Variants in ABHD2 observed in about 807,000 individuals in gnomAD.
The protein encoded by ABHD2 is abhydrolase domain containing 2, acylglycerol lipase, also known as monoacylglycerol lipase ABHD2.
Under a neutral mutation model 48.1 loss-of-function variants are expected in ABHD2, and 20 were observed. The observed-to-expected ratio is 0.42, with a 90% CI of 0.29 to 0.60. The LOEUF (loss-of-function observed/expected upper bound fraction) is 0.60. Ranked by LOEUF, ABHD2 falls within the 20% of genes least tolerant of loss-of-function variation. The pLI is 0.24. For missense variants in ABHD2, 405 were observed against 550.9 expected (o/e 0.74, Z 2.65); for synonymous variants, 209 against 214.2 (o/e 0.98, Z 0.21).
rs141602135 is a variant in ABHD2, at chr15:89,187,481, C to T, written c.816-712C>T. On this transcript the variant is annotated intron_variant, in intron 7 of 10. Transcript: ENST00000352732. ...AGTTGGCATAATAAATCCTTCCTAC[C>T]GCAGGGCCATGCCTCAACAAATTCA... Among the ~76,000 whole-genome samples the T allele has an allele frequency of 2.6e-3, 393 of 152,250 alleles. 2 individuals are homozygous for T. Among genetic ancestry groups the T allele is most frequent in the African/African-American group, 8.8e-3 (365 of 41,556 alleles).
At chr15:89,048,233 C>T in the ABHD2 span, among the ~76,000 whole-genome samples, 1 of 151,988 alleles carries the variant, frequency 6.6e-6, no homozygotes, top group South Asian at 2.1e-4. Flanking sequence ...GGCCCCCACT[C>T]TCTTCTGGCT....
chr15:89,142,379 T>G (rs780060002), intron 3 of ABHD2, among the ~76,000 whole-genome samples: 1 of 152,216 alleles, frequency 6.6e-6, no homozygotes, highest in South Asian at 2.1e-4. Flanking sequence ...GATTAGTACC[T>G]CAAACATCCT....
In ABHD2 at chr15:89,185,386, C is replaced by G. The variant is rs773895717; in HGVS notation, c.723-38C>G. ...CCTCCTGGCTGCCCGCCTGCACCCC[C>G]ACACCGCAGTCACCCTCACTCGCTG... On this transcript the variant is annotated intron_variant, in intron 6 of 10. Coordinates refer to ENST00000352732, the MANE Select transcript of ABHD2 (RefSeq NM_152924.5). The surrounding 1 kb of genome is among the most constrained non-coding windows in gnomAD (Gnocchi z 5.9). 6 of 1,585,136 alleles carry G rather than the reference C, an allele frequency of 3.8e-6. No homozygotes were observed. Among genetic ancestry groups the G allele is most frequent in the Admixed American group, 1.7e-5 (1 of 59,584 alleles).
chr15:89,107,502 G>A (rs2049804927), intron 1 of ABHD2, among the ~76,000 whole-genome samples: 1 of 152,144 alleles, frequency 6.6e-6, no homozygotes, highest in African/African-American at 2.4e-5. Flanking sequence ...ATGGAGGAAA[G>A]TTTAATAGTG....
At chr15:89,059,739 C>T in the ABHD2 span, among the ~76,000 whole-genome samples, 1 of 152,124 alleles carries the variant, frequency 6.6e-6, no homozygotes, top group African/African-American at 2.4e-5. Flanking sequence ...GCTGCCATCG[C>T]AGAGGAATCT....
At chr15:89,047,959 T>C in the ABHD2 span, among the ~76,000 whole-genome samples, 1 of 149,528 alleles carries the variant, frequency 6.7e-6, no homozygotes, top group African/African-American at 2.5e-5. Context: ...GCTGGTTATT[T>C]TGCTCGATAG....
At chr15:89,075,475 C>T in the ABHD2 span, 5 of 152,236 alleles carry the variant, frequency 3.3e-5, no homozygotes, top group African/African-American at 1.2e-4. This position sits in a 1 kb window ranked among gnomAD's most constrained non-coding sequence, Gnocchi z 4.1. Context: ...TGGTGCATTC[C>T]AGAAGTGTTG....
intron 3 of ABHD2, among the ~76,000 whole-genome samples, chr15:89,138,727 G>T (rs866479710): frequency 8.5e-5 from 13 of 152,154 alleles, no homozygotes; most frequent in African/African-American, 3.1e-4. Context: ...TTTGACAGTT[G>T]ATCAGACAGG....
chr15:89,139,850 A>G (rs2050374634), intron 3 of ABHD2, among the ~76,000 whole-genome samples: 1 of 152,176 alleles, frequency 6.6e-6, no homozygotes, highest in African/African-American at 2.4e-5. Flanking sequence ...TCCCGAGCCT[A>G]TGTCTCCTAA....
In ABHD2 at chr15:89,123,312, C is replaced by T. The variant is rs564211557; in HGVS notation, c.194+6791C>T. 1.7e-3 allele frequency among the ~76,000 whole-genome samples: 258 copies of T among 152,302 alleles called. 4 individuals are homozygous for T. The highest frequency in any genetic ancestry group is 5.9e-3 in the African/African-American group (244 of 41,570). On this transcript the variant is annotated intron_variant, in intron 3 of 10. Transcript: ENST00000352732. ...GTTTTCCCTTTTTCTCTTCACTCAC[C>T]GGAGTACAAGCTCCAAACGGAAATC...
chr15:89,156,667 G>A (rs1410515008), intron 5 of ABHD2, among the ~76,000 whole-genome samples: 1 of 151,720 alleles, frequency 6.6e-6, no homozygotes, highest in Admixed American at 6.6e-5. Flanking sequence ...GAACCCGGGA[G>A]GCAGAGGTCA....
At chr15:89,145,678 C>T (rs182654155) in intron 3 of ABHD2, among the ~76,000 whole-genome samples, 36 of 152,342 alleles carry the variant, frequency 2.4e-4, no homozygotes, top group African/African-American at 7.2e-4. Flanking sequence ...TTCTCTCCCA[C>T]TGCATGCAGG....
rs2050970970 is a variant in ABHD2, at chr15:89,174,028, G to A, written c.539-1784G>A. ...GATACTGTCTGGGAAGAGGCATGAG[G>A]AGGCCTCCAGGGGTGTCAAAAATAT... On this transcript the variant is annotated intron_variant, in intron 5 of 10. Transcript: ENST00000352732. The surrounding 1 kb of genome is among the most constrained non-coding windows in gnomAD (Gnocchi z 4.1). Among the ~76,000 whole-genome samples the A allele has an allele frequency of 6.6e-6, 1 of 152,128 alleles. No homozygotes were observed. Among genetic ancestry groups the A allele is most frequent in the South Asian group, 2.1e-4 (1 of 4,820 alleles).
the ABHD2 span, among the ~76,000 whole-genome samples, chr15:89,068,342 G>A: frequency 6.6e-6 from 1 of 152,164 alleles, no homozygotes; most frequent in South Asian, 2.1e-4. Context: ...TTTGAGTCAG[G>A]AAATTAGACA....
rs116781331 is a variant in ABHD2 at position 89,102,876 on chromosome 15, G to T, written c.-106-10849G>T. ...CCCAAAGGAAGAAGGCTGCTGGTAG[G>T]CTAGGGGTGGCAGGTGGGATTGCCC... On this transcript the variant is annotated intron_variant, in intron 1 of 10. Transcript: ENST00000352732. This position sits in a 1 kb window ranked among gnomAD's most constrained non-coding sequence, Gnocchi z 4.8. Among the ~76,000 whole-genome samples the T allele has an allele frequency of 2.4e-3, 362 of 152,370 alleles. 1 individual carries two copies. Among genetic ancestry groups the T allele is most frequent in the African/African-American group, 8.3e-3 (347 of 41,584 alleles).
chr15:89,075,287 A>G, the ABHD2 span: 1 of 152,264 alleles, frequency 6.6e-6, no homozygotes, highest in African/African-American at 2.4e-5. The surrounding 1 kb of genome is among the most constrained non-coding windows in gnomAD (Gnocchi z 4.1). Flanking sequence ...TTGCATCTAC[A>G]TCTATTAGGA....
chr15:89,076,406 A>G, the ABHD2 span, among the ~76,000 whole-genome samples: 1 of 152,156 alleles, frequency 6.6e-6, no homozygotes, highest in Non-Finnish European at 1.5e-5. Context: ...ACTTTTTATA[A>G]AACATAATCA....
At chr15:89,043,623 G>A in the ABHD2 span, among the ~76,000 whole-genome samples, 2 of 134,626 alleles carry the variant, frequency 1.5e-5, no homozygotes, top group Non-Finnish European at 3.2e-5. Context: ...ACGAGGAGGC[G>A]GAAGGAGGAG....
In ABHD2 at chr15:89,151,141, C is replaced by T. The variant is rs1274179376; in HGVS notation, c.195-536C>T. 6.6e-6 allele frequency among the ~76,000 whole-genome samples: 1 copy of T among 152,214 alleles called. No individual in the cohort carries two copies. The highest frequency in any genetic ancestry group is 6.5e-5 in the Admixed American group (1 of 15,282). On this transcript the variant is annotated intron_variant, in intron 3 of 10. Transcript: ENST00000352732. The surrounding 1 kb of genome is among the most constrained non-coding windows in gnomAD (Gnocchi z 4.7). ...TCTGGAGCATAGAGTAGTGCCCTCA[C>T]CCCACAAGGCACTTACAGGCTCTTA...
Sources: allele counts gnomAD v4.1 joint callset (sites outside exome capture counted in the v4.1 genomes callset), GRCh38; gene constraint gnomAD v4.1.1; non-coding constraint Gnocchi (gnomAD v3.1); transcripts MANE v1.5; gene names NCBI Gene and HGNC (gene_info 2026-07-23, HGNC 2026-07-21).